Variants in KLHL13 observed in about 807,000 individuals in gnomAD.
KLHL13 encodes the protein kelch like family member 13, also known as kelch-like protein 13.
A neutral mutation model predicts 37.1 loss-of-function variants in KLHL13; 10 were observed. That is an observed-to-expected ratio of 0.27 (90% CI 0.17 to 0.46). The LOEUF is 0.46. Among genes scored for constraint, KLHL13 ranks in the 20% least tolerant of loss-of-function variants. The probability of loss-of-function intolerance (pLI) is 1.00; values close to 1 mark genes in which losing one functional copy is unlikely to be tolerated. For synonymous variants in KLHL13, 163 were observed against 181.2 expected (o/e 0.90, Z 0.81); for missense variants, 360 against 509.3 (o/e 0.71, Z 2.82).
chrX:118,105,134 G>A (rs1960832178), intron 1 of KLHL13, among the ~76,000 whole-genome samples: 1 of 112,366 alleles, frequency 8.9e-6, no homozygotes, highest in Non-Finnish European at 1.9e-5. Context: ...GAAATATTCA[G>A]AAATACGTTC....
chrX:118,033,621 A>T (rs1436572822), intron 1 of KLHL13, among the ~76,000 whole-genome samples: 3 of 110,167 alleles, frequency 2.7e-5, no homozygotes, highest in African/African-American at 1.0e-4. Context: ...AACCGGTACC[A>T]GCTGCTGCAA....
chrX:118,020,065 A>T (rs1393353729), intron 1 of KLHL13, among the ~76,000 whole-genome samples: 1 of 110,616 alleles, frequency 9.0e-6, no homozygotes, highest in African/African-American at 3.3e-5. Context: ...TGGCACTGAA[A>T]CTGTAAATTA....
At chrX:117,918,352 G>A (rs920730642) in intron 4 of KLHL13, among the ~76,000 whole-genome samples, 1 of 111,338 alleles carries the variant, frequency 9.0e-6, no homozygotes, top group Non-Finnish European at 1.9e-5. Flanking sequence ...AATAATTAAG[G>A]ACATGGCTCT....
At chrX:117,972,909 C>T in exon 1 of KLHL13, 1 of 1,155,164 alleles carries the variant, frequency 8.7e-7, no homozygotes, top group Admixed American at 2.6e-5. Context: ...CCACACTGTA[C>T]TGACACAGCA....
At chrX:118,013,544 A>G (rs2054092877) in intron 1 of KLHL13, among the ~76,000 whole-genome samples, 2 of 112,373 alleles carry the variant, frequency 1.8e-5, no homozygotes, top group South Asian at 7.4e-4. Flanking sequence ...AAGTAAGATA[A>G]GATGAGGAAA....
At chrX:118,026,847 C>T (rs970879991) in intron 1 of KLHL13, among the ~76,000 whole-genome samples, 2 of 111,791 alleles carry the variant, frequency 1.8e-5, no homozygotes, top group Non-Finnish European at 3.8e-5. Flanking sequence ...AACAATTACA[C>T]ATAGATCAGC....
At chrX:117,985,446 T>TAA in intron 1 of KLHL13, 18 of 782,641 alleles carry the variant, frequency 2.3e-5, no homozygotes, top group Middle Eastern at 1.1e-3. Context: ...CTTTATATAT[T>TAA]TAAAAAAAAA....
intron 2 of KLHL13, among the ~76,000 whole-genome samples, chrX:117,933,644 T>C (rs937276761): frequency 3.6e-5 from 4 of 110,944 alleles, no homozygotes; most frequent in African/African-American, 1.3e-4. Context: ...CAAAAGCAAA[T>C]AGACAAATGA....
rs958119836 is a variant in KLHL13, at chrX:118,043,462, G to C, written c.-56+73046C>G. 7.1e-4 allele frequency among the ~76,000 whole-genome samples: 79 copies of C among 111,517 alleles called. 4 individuals carry two copies. The highest frequency in any genetic ancestry group is 9.4e-5 in the Non-Finnish European group (5 of 53,070). ...AAGAAAACTATAGGCCAATATATCT[G>C]ATGAACATTGATGCAAAAATCCTCC... On this transcript the variant is annotated intron_variant, in intron 1 of 6. Coordinates refer to the KLHL13 transcript ENST00000371882.
intron 1 of KLHL13, among the ~76,000 whole-genome samples, chrX:118,081,292 G>A (rs1196921465): frequency 9.0e-6 from 1 of 111,405 alleles, no homozygotes; most frequent in Non-Finnish European, 1.9e-5. Context: ...CTATCAAATT[G>A]TGTGCACACC....
intron 1 of KLHL13, among the ~76,000 whole-genome samples, chrX:118,014,787 G>T (rs1007081146): frequency 8.9e-6 from 1 of 112,032 alleles, no homozygotes; most frequent in African/African-American, 3.2e-5. Context: ...ATTGGGGGCT[G>T]ATTCCCCCAA....
At chrX:117,943,393 T>C (rs752152933) in intron 2 of KLHL13, among the ~76,000 whole-genome samples, 1 of 111,179 alleles carries the variant, frequency 9.0e-6, no homozygotes, top group East Asian at 2.9e-4. Context: ...GTTGGGGAAG[T>C]TCTCCTGGAG....
chrX:118,104,738 A>G (rs1365980669), intron 1 of KLHL13, among the ~76,000 whole-genome samples: 1 of 111,885 alleles, frequency 8.9e-6, no homozygotes, highest in Non-Finnish European at 1.9e-5. Flanking sequence ...CAACAGACAC[A>G]CTAGTTCCAT....
intron 1 of KLHL13, among the ~76,000 whole-genome samples, chrX:118,054,446 C>T (rs2054665077): frequency 9.0e-6 from 1 of 110,786 alleles, no homozygotes; most frequent in African/African-American, 3.3e-5. Flanking sequence ...GAAAAAAAAA[C>T]ATCATTTTGC....
At chrX:118,105,655 T>C (rs1345196996) in intron 1 of KLHL13, among the ~76,000 whole-genome samples, 5 of 112,601 alleles carry the variant, frequency 4.4e-5, no homozygotes, top group Non-Finnish European at 9.4e-5. Context: ...TGTAACCTAT[T>C]TCAGGGCAGT....
At chrX:118,070,791 A>T (rs780130142) in intron 1 of KLHL13, among the ~76,000 whole-genome samples, 1 of 109,010 alleles carries the variant, frequency 9.2e-6, no homozygotes, top group East Asian at 2.9e-4. Flanking sequence ...GTTTTAGGGT[A>T]CATGTGCACA....
intron 1 of KLHL13, among the ~76,000 whole-genome samples, chrX:117,961,224 T>C (rs778706110): frequency 8.9e-6 from 1 of 112,157 alleles, no homozygotes; most frequent in South Asian, 3.7e-4. Flanking sequence ...CACTTTTTAA[T>C]AAGATTTCCA....
chrX:118,114,628 T>A (rs1441272703), intron 1 of KLHL13, among the ~76,000 whole-genome samples: 1 of 112,140 alleles, frequency 8.9e-6, no homozygotes, highest in Non-Finnish European at 1.9e-5. Flanking sequence ...CCTATTAGAA[T>A]AAGTACCCTT....
chrX:118,050,078 G>T (rs976617270), intron 1 of KLHL13, among the ~76,000 whole-genome samples: 1 of 111,433 alleles, frequency 9.0e-6, no homozygotes, highest in Non-Finnish European at 1.9e-5. Flanking sequence ...AGACAGGAGA[G>T]TCTCACTATA....
Sources: gnomAD v4.1 joint callset for allele counts (sites outside exome capture counted in the v4.1 genomes callset) on GRCh38, gnomAD v4.1.1 for gene constraint, MANE v1.5 for transcripts, NCBI Gene and HGNC (gene_info 2026-07-23, HGNC 2026-07-21) for gene names.